Variants in RBM27 observed in about 807,000 individuals in gnomAD.
RBM27 encodes RNA binding motif protein 27, also known as RNA-binding protein 27.
In RBM27, 22 loss-of-function variants were observed where a neutral mutation model predicts 135.3. That is an observed-to-expected ratio of 0.16 (90% confidence interval 0.12 to 0.23). The LOEUF (loss-of-function observed/expected upper bound fraction) is 0.23. RBM27 is among the 10% of genes least tolerant of loss of function. The probability of loss-of-function intolerance (pLI) is 1.00; values close to 1 mark genes in which losing one functional copy is unlikely to be tolerated. For synonymous variants in RBM27, 481 were observed against 442.4 expected (o/e 1.09, Z -1.10); for missense variants, 1,009 against 1,281.0 (o/e 0.79, Z 3.24).
chr5:146,244,948 G>T (rs987848361), intron 8 of RBM27, among the ~76,000 whole-genome samples: 5 of 151,296 alleles, frequency 3.3e-5, no homozygotes, highest in African/African-American at 1.2e-4. Flanking sequence ...ATTCTAGCTC[G>T]CTGCAGCCTT....
In RBM27 at chr5:146,286,121, A is replaced by AT. The variant is rs956700159; in HGVS notation, c.*98dup. The AT allele has an allele frequency of 3.5e-6, 4 of 1,137,820 alleles. No individual in the cohort carries two copies. The highest frequency in any genetic ancestry group is 3.7e-6 in the Non-Finnish European group (3 of 803,968). The allele number at this position is 1,137,820 out of a possible 1,614,324, so 70.5% of individuals were successfully genotyped here. ...AAAAGAAGTCAATGAGCCAAAAAAA[A>AT]TTTTTTTATTTTTCTTTTCAACACA... On this transcript the variant is annotated 3_prime_UTR_variant, in exon 21 of 21. Coordinates refer to ENST00000265271, the MANE Select transcript of RBM27 (RefSeq NM_018989.2).
intron 1 of RBM27, among the ~76,000 whole-genome samples, chr5:146,215,943 A>G (rs1581141683): frequency 2.0e-5 from 3 of 151,648 alleles, no homozygotes; most frequent in South Asian, 2.1e-4. Flanking sequence ...TAGAGACGGG[A>G]TTTCACCATT....
At chr5:146,203,848 G>A in intron 1 of RBM27, 24 bp downstream of exon 1, 1 of 1,543,586 alleles carries the variant, frequency 6.5e-7, no homozygotes, top group East Asian at 2.5e-5. Flanking sequence ...GCTGGGCCGG[G>A]GCCGGCGAAC....
chr5:146,260,638 C>T, intron 11 of RBM27, 107 bp from the exon 12 acceptor site: 1 of 887,518 alleles, frequency 1.1e-6, no homozygotes, highest in Non-Finnish European at 1.7e-6. Context: ...CATGCCCAGC[C>T]ACAAAAGGCA....
intron 6 of RBM27, 148 bp from the exon 7 acceptor site, chr5:146,233,302 G>T: frequency 7.9e-7 from 1 of 1,270,790 alleles, no homozygotes; most frequent in Non-Finnish European, 1.0e-6. Flanking sequence ...GATATGTGAT[G>T]CTTAACAGAG....
chr5:146,282,829 C>A (rs1163554630), intron 19 of RBM27, among the ~76,000 whole-genome samples: 1 of 152,098 alleles, frequency 6.6e-6, no homozygotes, highest in African/African-American at 2.4e-5. Flanking sequence ...GAGATTCTCA[C>A]CATTTGTGTA....
At chr5:146,261,473 T>C (rs1758392510) in intron 12 of RBM27, 37 bp from the exon 13 acceptor site, 1 of 1,549,634 alleles carries the variant, frequency 6.5e-7, no homozygotes, top group Non-Finnish European at 8.9e-7. Context: ...AACTATTTTC[T>C]GTTTTTGGGA....
At chr5:146,281,666 C>G (rs1461497012) in intron 19 of RBM27, among the ~76,000 whole-genome samples, 1 of 152,208 alleles carries the variant, frequency 6.6e-6, no homozygotes. Context: ...CAAGGTTGCT[C>G]TAGAGGCTCA....
chr5:146,225,567 GTT>G (rs5871958), intron 3 of RBM27, among the ~76,000 whole-genome samples: 32 of 133,560 alleles, frequency 2.4e-4, no homozygotes, highest in Middle Eastern at 4.1e-3. Flanking sequence ...TTACCTTTCT[GTT>G]TTTTTTTTTT....
At chr5:146,221,379 A>C (rs931519756) in intron 2 of RBM27, among the ~76,000 whole-genome samples, 1 of 152,164 alleles carries the variant, frequency 6.6e-6, no homozygotes, top group African/African-American at 2.4e-5. Context: ...CCATTTCAGT[A>C]GCCATTAGCC....
intron 4 of RBM27, 89 bp downstream of exon 4, chr5:146,229,126 C>G (rs1004456204): frequency 5.5e-5 from 48 of 869,440 alleles, no homozygotes; most frequent in Non-Finnish European, 8.5e-5. Context: ...AATATATATA[C>G]TTACTCCTCT....
intron 8 of RBM27, among the ~76,000 whole-genome samples, chr5:146,244,532 T>C (rs1195523408): frequency 6.7e-6 from 1 of 148,200 alleles, no homozygotes; most frequent in Non-Finnish European, 1.5e-5. Flanking sequence ...ATTTTACCCA[T>C]GCCCCCCCAC....
Position 146,229,919 on chromosome 5 carries a change from A to G in RBM27, c.589+9A>G. 1 of 1,613,708 alleles carries G rather than the reference A, an allele frequency of 6.2e-7. No individual in the cohort carries two copies. The highest frequency in any genetic ancestry group is 8.5e-7 in the Non-Finnish European group (1 of 1,179,758). On this transcript the variant is annotated intron_variant, in intron 5 of 20. Coordinates refer to ENST00000265271, the MANE Select transcript of RBM27 (RefSeq NM_018989.2). ...TCCAAATAGGAATGTTGGTGAGTAG[A>G]TGAGTGTCCCCCTAAAAACTCTGTA... is the stretch of plus-strand genomic sequence containing the variant.
intron 19 of RBM27, among the ~76,000 whole-genome samples, chr5:146,272,232 A>T (rs897214153): frequency 3.3e-5 from 5 of 152,260 alleles, no homozygotes; most frequent in Non-Finnish European, 7.3e-5. Flanking sequence ...ATGACTGTAT[A>T]AATGTGAAAT....
intron 10 of RBM27, 31 bp downstream of exon 10, chr5:146,255,123 A>T: frequency 6.3e-7 from 1 of 1,585,042 alleles, no homozygotes; most frequent in South Asian, 1.1e-5. Context: ...TTCTGATGCT[A>T]AGTGTTATGC....
chr5:146,266,364 A>G (rs1758619595), intron 14 of RBM27, among the ~76,000 whole-genome samples: 1 of 152,240 alleles, frequency 6.6e-6, no homozygotes, highest in Admixed American at 6.5e-5. Context: ...AAAGGAGACT[A>G]TAAAGAGATG....
intron 16 of RBM27, 55 bp downstream of exon 16, chr5:146,269,336 A>G: frequency 6.7e-7 from 1 of 1,501,376 alleles, no homozygotes; most frequent in East Asian, 2.3e-5. Flanking sequence ...AATTGATTTT[A>G]AAAGTATTAT....
intron 12 of RBM27, 131 bp from the exon 13 acceptor site, chr5:146,261,377 TAA>T: frequency 1.3e-6 from 1 of 770,888 alleles, no homozygotes; most frequent in Non-Finnish European, 2.1e-6. Context: ...GCTCTATCTC[TAA>T]AACAGTAATG....
Position 146,284,742 on chromosome 5 carries a change from G to A in RBM27, c.3099+10G>A, listed in dbSNP as rs1759514050. On this transcript the variant is annotated intron_variant, in intron 20 of 20. Transcript: ENST00000265271. ...AGAAGTCAAGGAGGAGGTAAATTTA[G>A]TGGTTGGAAATAAGAGTTGAATTAG... is the stretch of plus-strand genomic sequence containing the variant. 3 of 1,533,990 alleles carry A rather than the reference G, an allele frequency of 2.0e-6. No individual in the cohort carries two copies. The highest frequency in any genetic ancestry group is 2.7e-6 in the Non-Finnish European group (3 of 1,111,994).
Sources: allele counts gnomAD v4.1 joint callset (sites outside exome capture counted in the v4.1 genomes callset), GRCh38; gene constraint gnomAD v4.1.1; transcripts MANE v1.5; gene names NCBI Gene and HGNC (gene_info 2026-07-23, HGNC 2026-07-21).